The following ZZEF1 variants were observed in gnomAD, a reference collection of about 807,000 sequenced individuals.
ZZEF1 encodes zinc finger ZZ-type and EF-hand domain-containing protein 1.
ZZEF1 carries 157 observed loss-of-function variants against 342.8 expected under a neutral mutation model. That is an observed-to-expected ratio of 0.46 (90% CI 0.40 to 0.52). ZZEF1 has a LOEUF of 0.52. ZZEF1 is among the 20% of genes least tolerant of loss of function. ZZEF1 has a pLI of 0.00. For missense variants in ZZEF1, 3,480 were observed against 3,725.6 expected (o/e 0.93, Z 1.72); for synonymous variants, 1,505 against 1,429.1 (o/e 1.05, Z -1.20).
chr17:4,106,682 C>T (rs1303448767), intron 6 of ZZEF1, among the ~76,000 whole-genome samples: 2 of 152,078 alleles, frequency 1.3e-5, no homozygotes, highest in Non-Finnish European at 2.9e-5. Context: ...CTTTCTGAAT[C>T]CCCCAATAGC....
In ZZEF1 at chr17:4,036,815, ACACT is replaced by A. The variant is rs1201707489; in HGVS notation, c.6307-2527_6307-2524del. ...CACACACACACACACACACACACAC[ACACT>A]CTCTCTCTCTCTCTCTCTCTCTCTC... On this transcript the variant is annotated intron_variant, in intron 39 of 54. Coordinates refer to ENST00000381638, the MANE Select transcript of ZZEF1 (RefSeq NM_015113.4). Among the ~76,000 whole-genome samples the A allele has an allele frequency of 5.1e-3, 405 of 78,698 alleles. 1 individual carries two copies. The highest frequency in any genetic ancestry group is 7.4e-3 in the Non-Finnish European group (319 of 42,862). The allele number at this position is 78,698 out of a possible 152,430, so 51.6% of individuals were successfully genotyped here.
intron 1 of ZZEF1, among the ~76,000 whole-genome samples, chr17:4,131,077 C>T (rs900620136): frequency 6.6e-6 from 1 of 152,136 alleles, no homozygotes; most frequent in Non-Finnish European, 1.5e-5. Flanking sequence ...CATTCTTACA[C>T]ATGCAAGGTT....
At chr17:4,084,296 ATT>A (rs35440452) in intron 16 of ZZEF1, among the ~76,000 whole-genome samples, 14 of 148,830 alleles carry the variant, frequency 9.4e-5, no homozygotes, top group African/African-American at 2.9e-4. Context: ...GCATTTAGTG[ATT>A]TTTTTTTTTC....
At chr17:4,065,765 T>C (rs1422129620) in intron 28 of ZZEF1, among the ~76,000 whole-genome samples, 2 of 152,272 alleles carry the variant, frequency 1.3e-5, no homozygotes, top group Admixed American at 1.3e-4. Flanking sequence ...TTTTAAAAAA[T>C]AACAACCATA....
chr17:4,141,692 CT>C (rs2145637845), intron 1 of ZZEF1, among the ~76,000 whole-genome samples: 1 of 141,364 alleles, frequency 7.1e-6, no homozygotes, highest in East Asian at 2.1e-4. Flanking sequence ...ACATGTACGC[CT>C]GAATTTAAAA....
rs2055873241 is a variant in ZZEF1 at position 4,008,974 on chromosome 17, G to A, written c.8734-20C>T. On this transcript the variant is annotated intron_variant, in intron 53 of 54. Coordinates refer to ENST00000381638, the MANE Select transcript of ZZEF1 (RefSeq NM_015113.4). This position sits in a 1 kb window ranked among gnomAD's most constrained non-coding sequence, Gnocchi z 4.2. ...AAGCTCCTGCAGAGAGAGAGCAGGG[G>A]CTGTGAGTGACAGCGCCAGATGCGC... 13 of 1,538,598 alleles carry A rather than the reference G, an allele frequency of 8.4e-6. No homozygotes were observed. The highest frequency in any genetic ancestry group is 1.1e-5 in the Non-Finnish European group (13 of 1,146,766).
chr17:4,013,590 A>G lies in ZZEF1; in HGVS notation c.8438T>C (p.Leu2813Ser). The G allele has an allele frequency of 6.2e-7, 1 of 1,613,326 alleles. No homozygotes were observed. The highest frequency in any genetic ancestry group is 8.5e-7 in the Non-Finnish European group (1 of 1,179,498). ...ATGAGGCACGACCCTTTCTTCTGACAACATCTGCTTCAAAATCTCGAATCC... is the reference window on the plus strand; with the variant it reads ...ATGAGGCACGACCCTTTCTTCTGACGACATCTGCTTCAAAATCTCGAATCC... ...QTGFEILKQM[L>S]SEERVVPHLP... The change falls in exon 52 of 55, where the codon TTG (leucine) becomes TCG (serine). Residue 2813 changes from leucine (L) to serine (S), a missense_variant. Leu to Ser is a moderately radical substitution (Grantham distance 145). Transcript: ENST00000381638.
chr17:4,027,284 CACTTT>C (rs2056429768), intron 42 of ZZEF1, among the ~76,000 whole-genome samples: 1 of 84,102 alleles, frequency 1.2e-5, no homozygotes, highest in African/African-American at 8.3e-5. Context: ...AGCAATATCT[CACTTT>C]TTTTTTTTTT....
At chr17:4,062,721 GT>G in intron 30 of ZZEF1, 31 bp downstream of exon 30, 1 of 1,554,000 alleles carries the variant, frequency 6.4e-7, no homozygotes, top group Non-Finnish European at 8.7e-7. Context: ...GATCTTTGCT[GT>G]TTTCCTTCTG....
intron 1 of ZZEF1, among the ~76,000 whole-genome samples, chr17:4,132,409 C>G (rs2058674501): frequency 6.6e-6 from 1 of 150,732 alleles, no homozygotes; most frequent in South Asian, 2.1e-4. Flanking sequence ...GTCTCAAACT[C>G]CTGGCCTCAA....
chr17:4,086,946 G>A (rs2057842866), intron 14 of ZZEF1, among the ~76,000 whole-genome samples: 1 of 152,138 alleles, frequency 6.6e-6, no homozygotes, highest in Non-Finnish European at 1.5e-5. Flanking sequence ...GCAGTGGTGT[G>A]ATCTCAGCTC....
intron 1 of ZZEF1, among the ~76,000 whole-genome samples, chr17:4,128,771 T>C (rs2058617738): frequency 1.3e-4 from 2 of 15,036 alleles, no homozygotes; most frequent in Non-Finnish European, 4.7e-4. Context: ...CAAAATCATT[T>C]TTTTTTTTTT....
At position 4,105,793 on chromosome 17, in the gene ZZEF1, T is replaced by C. The variant is rs920437917; in HGVS notation, c.1294A>G (p.Met432Val). ...LHNTQKALRHMPPLSLSPGST... is the reference protein window; with the variant it reads ...LHNTQKALRHVPPLSLSPGST... ...CCTGGTGAGAGAGAGAGTGGAGGCATGTGCCGCAGCGCCTTCCTAGAAGAG... is the reference window on the plus strand; with the variant it reads ...CCTGGTGAGAGAGAGAGTGGAGGCACGTGCCGCAGCGCCTTCCTAGAAGAG... The change falls in exon 7 of 55, where the codon ATG becomes GTG. Residue 432 changes from methionine (M) to valine (V), a missense_variant. By Grantham distance (21) the Met-to-Val change is conservative. This residue lies in a region of ZZEF1 where 1,528 missense variants were observed against 1,624.1 expected (regional missense o/e 0.94). Transcript: ENST00000381638. The C allele has an allele frequency of 4.3e-6, 7 of 1,610,682 alleles. No homozygotes were observed. Among genetic ancestry groups the C allele is most frequent in the Admixed American group, 1.7e-5 (1 of 58,990 alleles).
Position 4,072,718 on chromosome 17 carries a change from C to T in ZZEF1, c.3724G>A (p.Ala1242Thr), listed in dbSNP as rs766739955. 6.2e-7 allele frequency: 1 copy of T among 1,613,464 alleles called. No homozygotes were observed. The highest frequency in any genetic ancestry group is 8.5e-7 in the Non-Finnish European group (1 of 1,179,654). Reference sequence around the variant, plus strand: ...CACAGTGGGGAGCTTAGGACTAATGCCATTTTTGCCTGAGGTACTACCATG... The same window carrying T: ...CACAGTGGGGAGCTTAGGACTAATGTCATTTTTGCCTGAGGTACTACCATG... Reference protein sequence around the residue: ...SNMVVPQAKMALVLSSPLWKP... With the variant: ...SNMVVPQAKMTLVLSSPLWKP... Residue 1242 changes from alanine to threonine, a missense_variant, in exon 25 of 55, where the codon GCA (alanine) becomes ACA (threonine). Around this residue, in one of 5 missense-constraint regions of ZZEF1, gnomAD observed 1,528 missense variants for 1,624.1 expected, o/e 0.94. Transcript: ENST00000381638.
intron 14 of ZZEF1, 53 bp downstream of exon 14, chr17:4,087,381 A>C (rs2057851871): frequency 3.4e-6 from 5 of 1,450,566 alleles, no homozygotes; most frequent in Non-Finnish European, 4.7e-6. Flanking sequence ...GAATAGTAAA[A>C]CTCATTGTTT....
chr17:4,112,897 T>G, intron 4 of ZZEF1, 89 bp from the exon 5 acceptor site: 1 of 1,172,236 alleles, frequency 8.5e-7, no homozygotes, highest in Admixed American at 3.0e-5. Context: ...GAGCTTACAT[T>G]TGATATATCC....
intron 11 of ZZEF1, among the ~76,000 whole-genome samples, chr17:4,093,791 T>C (rs2057987529): frequency 6.8e-6 from 1 of 147,620 alleles, no homozygotes; most frequent in Non-Finnish European, 1.5e-5. Context: ...TTTCAGCTCC[T>C]TGAGTATTTT....
In ZZEF1 at chr17:4,008,842, C is replaced by A. The variant is rs927858310; in HGVS notation, c.8805+41G>T. On this transcript the variant is annotated intron_variant, in intron 54 of 54. Transcript: ENST00000381638. The surrounding 1 kb of genome is among the most constrained non-coding windows in gnomAD (Gnocchi z 4.2). Reference sequence around the variant, plus strand: ...CCCTGGCAATGGTGAGATGGTGGCGCCCCAGCCTGGGGGCCAGCTCTGTTG... The same window carrying A: ...CCCTGGCAATGGTGAGATGGTGGCGACCCAGCCTGGGGGCCAGCTCTGTTG... 6.5e-7 allele frequency: 1 copy of A among 1,541,236 alleles called. No homozygotes were observed. The highest frequency in any genetic ancestry group is 8.7e-7 in the Non-Finnish European group (1 of 1,146,114).
At chr17:4,018,686 CTA>C (rs2056182958) in intron 46 of ZZEF1, among the ~76,000 whole-genome samples, 1 of 152,200 alleles carries the variant, frequency 6.6e-6, no homozygotes. Context: ...TTCTCTCTCT[CTA>C]AAGCTCCCTG....
Sources: gnomAD v4.1 joint callset for allele counts (sites outside exome capture counted in the v4.1 genomes callset) on GRCh38, gnomAD v4.1.1 for gene constraint, gnomAD v4.1.1 regional missense constraint, Gnocchi (gnomAD v3.1) non-coding constraint, MANE v1.5 for transcripts, NCBI Gene and HGNC (gene_info 2026-07-23, HGNC 2026-07-21) for gene names.